Variants in GAS6 observed in about 807,000 individuals in gnomAD.
The protein encoded by GAS6 is growth arrest-specific protein 6.
Under a neutral mutation model 75.8 loss-of-function variants are expected in GAS6, and 41 were observed. That is an observed-to-expected ratio of 0.54 (90% CI 0.42 to 0.70). The LOEUF is 0.70. Ranked by LOEUF, GAS6 falls within the 30% of genes least tolerant of loss-of-function variation. The probability of loss-of-function intolerance (pLI) is 0.00; values close to 1 mark genes in which losing one functional copy is unlikely to be tolerated. For synonymous variants in GAS6, 432 were observed against 412.6 expected (o/e 1.05, Z -0.57); for missense variants, 854 against 940.2 (o/e 0.91, Z 1.20).
rs1301779392 is a variant in GAS6 at position 113,845,703 on chromosome 13, C to T, written c.343+824G>A. 6.7e-6 allele frequency: 1 copy of T among 148,308 alleles called. No individual in the cohort carries two copies. Among genetic ancestry groups the T allele is most frequent in the African/African-American group, 2.5e-5 (1 of 40,070 alleles). The allele number at this position is 148,308 out of a possible 1,614,324, so 9.2% of individuals were successfully genotyped here. ...ACAACAGTTTATAGGAAAAGAAATA[C>T]ACAGTTTTTAAACCTATGAAGGACA... On this transcript the variant is annotated intron_variant, in intron 4 of 14. Transcript: ENST00000327773. The surrounding 1 kb of genome is among the most constrained non-coding windows in gnomAD (Gnocchi z 4.3).
At position 113,839,835 on chromosome 13, in the gene GAS6, C is replaced by A; in HGVS notation, c.359G>T (p.Cys120Phe). 6.2e-7 allele frequency: 1 copy of A among 1,613,886 alleles called. No homozygotes were observed. Among genetic ancestry groups the A allele is most frequent in the Non-Finnish European group, 8.5e-7 (1 of 1,179,982 alleles). The change falls in exon 5 of 15, where the codon TGC (cysteine) becomes TTC (phenylalanine). Residue 120 changes from cysteine (C) to phenylalanine (F), a missense_variant. Coordinates refer to ENST00000327773, the MANE Select transcript of GAS6 (RefSeq NM_000820.4). ...CTTCCTATCGCAGGGGTTGGGCGTG[C>A]ACTGGTCAGGCAGGTCTGATTGGGG... ...ATCVQNLPDQ[C>F]TPNPCDRKGT...
At position 113,848,454 on chromosome 13, in the gene GAS6, G is replaced by A. The variant is rs1427477683; in HGVS notation, c.256-404C>T. 6.6e-6 allele frequency among the ~76,000 whole-genome samples: 1 copy of A among 152,184 alleles called. No homozygotes were observed. Among genetic ancestry groups the A allele is most frequent in the African/African-American group, 2.4e-5 (1 of 41,442 alleles). ...GGCATTGATTTGCACTTATAGTATT[G>A]GTGAAACAAAATTGGTACTGGGTGA... On this transcript the variant is annotated intron_variant, in intron 2 of 14. Transcript: ENST00000327773. The surrounding 1 kb of genome is among the most constrained non-coding windows in gnomAD (Gnocchi z 4.8).
chr13:113,846,602 A>T lies in GAS6; in HGVS notation c.281-13T>A, dbSNP rs1301531425. On this transcript the variant is annotated splice_polypyrimidine_tract_variant and intron_variant, in intron 3 of 14. Coordinates refer to ENST00000327773, the MANE Select transcript of GAS6 (RefSeq NM_000820.4). ...TTGTTGATGCAGTCTGCAGGAAGAA[A>T]GGGAATGGATGTCAGTCATCCTTAC... is the stretch of plus-strand genomic sequence containing the variant. 6.2e-7 allele frequency: 1 copy of T among 1,611,982 alleles called. No individual in the cohort carries two copies. The highest frequency in any genetic ancestry group is 1.1e-5 in the South Asian group (1 of 91,016).
chr13:113,834,761 C>T (rs1382505684), intron 7 of GAS6, 89 bp from the exon 8 acceptor site: 2 of 1,293,088 alleles, frequency 1.5e-6, no homozygotes, highest in East Asian at 5.5e-5. Context: ...AAACCACACG[C>T]AAGGTGCGCT....
In GAS6 at chr13:113,863,970, G is replaced by A. The variant is rs1196349610; in HGVS notation, c.-50C>T. 2.0e-5 allele frequency: 21 copies of A among 1,029,478 alleles called. No homozygotes were observed. Among genetic ancestry groups the A allele is most frequent in the Non-Finnish European group, 2.3e-5 (20 of 860,846 alleles). 63.8% of individuals were successfully genotyped at this position (1,029,478 alleles called of 1,614,324 possible). ...AGCGCCCGGGAGGCCGAGGCGAGCC[G>A]CGGGCGCCGCGGGGCGGAGGCTCCG... On this transcript the variant is annotated 5_prime_UTR_variant, in exon 1 of 15. Transcript: ENST00000327773. The surrounding 1 kb of genome is among the most constrained non-coding windows in gnomAD (Gnocchi z 9.4).
At chr13:113,850,619 AC>A (rs2138658775) in intron 2 of GAS6, among the ~76,000 whole-genome samples, 2 of 152,254 alleles carry the variant, frequency 1.3e-5, no homozygotes, top group South Asian at 4.1e-4. Context: ...GACAACATCT[AC>A]CTGCCCAGCA....
At position 113,824,744 on chromosome 13, in the gene GAS6, T is replaced by C. The variant is rs1057453975; in HGVS notation, c.1478-1194A>G. Among the ~76,000 whole-genome samples, 5 of 148,596 alleles carry C rather than the reference T, an allele frequency of 3.4e-5. 1 individual carries two copies. The South Asian group carries it at 1.0e-3, about 31-fold the overall frequency. On this transcript the variant is annotated intron_variant, in intron 12 of 14. Transcript: ENST00000327773. ...CGCCTGAAACCCACATCGCCTGTCC[T>C]GCCTGTCCCTAGCTGGTACCCGCCA... is the stretch of plus-strand genomic sequence containing the variant.
At chr13:113,862,237 C>T (rs2138670350) in intron 2 of GAS6, among the ~76,000 whole-genome samples, 1 of 152,328 alleles carries the variant, frequency 6.6e-6, no homozygotes, top group South Asian at 2.1e-4. Context: ...CCAGGCCTTG[C>T]AGGGCTGCGC....
intron 8 of GAS6, 34 bp downstream of exon 8, chr13:113,834,517 C>T: frequency 6.7e-7 from 1 of 1,493,450 alleles, no homozygotes; most frequent in South Asian, 1.3e-5. Context: ...CCCGGAACCA[C>T]CGTGAAGGGC....
chr13:113,852,100 C>T (rs2051880829), intron 2 of GAS6, among the ~76,000 whole-genome samples: 1 of 152,250 alleles, frequency 6.6e-6, no homozygotes, highest in Non-Finnish European at 1.5e-5. Context: ...TCCCGAGGCT[C>T]TGGCGCAACT....
At position 113,842,669 on chromosome 13, in the gene GAS6, C is replaced by T. The variant is rs535356173; in HGVS notation, c.344-2819G>A. The T allele has an allele frequency of 9.3e-5, 37 of 397,186 alleles. 1 individual carries two copies. Among genetic ancestry groups the T allele is most frequent in the East Asian group, 9.3e-4 (26 of 28,082 alleles). 24.6% of individuals were successfully genotyped at this position (397,186 alleles called of 1,614,324 possible). ...GGGAGTCAGACACGTGCAGGGCAGG[C>T]GGCCTGTGCAGGGCCCAACCCTCCG... is the stretch of plus-strand genomic sequence containing the variant. On this transcript the variant is annotated intron_variant, in intron 4 of 14. Coordinates refer to ENST00000327773, the MANE Select transcript of GAS6 (RefSeq NM_000820.4).
chr13:113,856,850 G>A (rs1172073285), intron 2 of GAS6, among the ~76,000 whole-genome samples: 5 of 152,206 alleles, frequency 3.3e-5, no homozygotes, highest in Non-Finnish European at 7.3e-5. Flanking sequence ...CTGCAGGGAC[G>A]GTCAACTTAG....
chr13:113,861,697 C>A (rs1434714587), intron 2 of GAS6, among the ~76,000 whole-genome samples: 1 of 152,104 alleles, frequency 6.6e-6, no homozygotes, highest in Non-Finnish European at 1.5e-5. Flanking sequence ...GCCTCTGGAC[C>A]CTGCCCCTGC....
intron 7 of GAS6, among the ~76,000 whole-genome samples, 161 bp downstream of exon 7, chr13:113,835,352 G>T (rs1489637431): frequency 6.6e-6 from 1 of 151,622 alleles, no homozygotes; most frequent in Admixed American, 6.6e-5. Context: ...GTGCGGGCAT[G>T]GTGGTAGCAC....
rs759596582 is a variant in GAS6, at chr13:113,832,494, C to A, written c.954-6G>T. 6 of 1,595,676 alleles carry A rather than the reference C, an allele frequency of 3.8e-6. No individual in the cohort carries two copies. The highest frequency in any genetic ancestry group is 5.1e-6 in the Non-Finnish European group (6 of 1,169,042). On this transcript the variant is annotated splice_polypyrimidine_tract_variant and splice_region_variant and intron_variant, in intron 9 of 14. Transcript: ENST00000327773. ...AGTCAAACTCAGCTACCAGCCTGGG[C>A]ACCCACAGGAGAAATGAGTCAGCAC...
chr13:113,834,972 A>G (rs2051683660), intron 7 of GAS6, among the ~76,000 whole-genome samples: 1 of 152,224 alleles, frequency 6.6e-6, no homozygotes, highest in Non-Finnish European at 1.5e-5. Context: ...CAGGTCTGGG[A>G]AGCACAGGGT....
At chr13:113,843,158 C>A in intron 4 of GAS6, 1 of 284,454 alleles carries the variant, frequency 3.5e-6, no homozygotes, top group Non-Finnish European at 6.4e-6. Flanking sequence ...ACTTCCCTGA[C>A]CCCGTCCACC....
At chr13:113,824,609 C>T (rs559190907) in intron 12 of GAS6, among the ~76,000 whole-genome samples, 1 of 152,314 alleles carries the variant, frequency 6.6e-6, no homozygotes, top group South Asian at 2.1e-4. Flanking sequence ...AAAAGGACCC[C>T]AAATCACTGT....
intron 6 of GAS6, among the ~76,000 whole-genome samples, chr13:113,836,861 AGGGG>A (rs2051721825): frequency 8.0e-5 from 3 of 37,510 alleles, no homozygotes; most frequent in Admixed American, 3.6e-4. Context: ...GGGGAGGAGG[AGGGG>A]GAGTGGGGAG....
Sources: allele counts gnomAD v4.1 joint callset (sites outside exome capture counted in the v4.1 genomes callset), GRCh38; gene constraint gnomAD v4.1.1; non-coding constraint Gnocchi (gnomAD v3.1); transcripts MANE v1.5; gene names NCBI Gene and HGNC (gene_info 2026-07-23, HGNC 2026-07-21).